Variants in RGR observed in about 807,000 individuals in gnomAD.
RGR encodes the protein RPE-retinal G protein-coupled receptor.
Under a neutral mutation model 28.6 loss-of-function variants are expected in RGR, and 30 were observed. The observed-to-expected ratio is 1.05, with a 90% CI of 0.78 to 1.42. RGR has a LOEUF of 1.42. Ranked by LOEUF, RGR falls within the 40% of genes most tolerant of loss-of-function variation. The probability of loss-of-function intolerance (pLI) is 0.00; values close to 1 mark genes in which losing one functional copy is unlikely to be tolerated. For missense variants in RGR, 404 were observed against 375.6 expected (o/e 1.08, Z -0.62); for synonymous variants, 180 against 156.4 (o/e 1.15, Z -1.13).
At chr10:84,245,286 C>A in intron 1 of RGR, 117 bp downstream of exon 1, 1 of 956,702 alleles carries the variant, frequency 1.0e-6, no homozygotes. Flanking sequence ...GGTGTCCGGT[C>A]CCATTGGCTG....
At chr10:84,251,116 T>A (rs534441319) in intron 3 of RGR, among the ~76,000 whole-genome samples, 1 of 150,744 alleles carries the variant, frequency 6.6e-6, no homozygotes, top group Non-Finnish European at 1.5e-5. Context: ...GAGCTTGTAA[T>A]CCCAGCTACT....
chr10:84,245,548 A>G (rs1358174454), intron 1 of RGR, among the ~76,000 whole-genome samples: 2 of 152,150 alleles, frequency 1.3e-5, no homozygotes, highest in African/African-American at 2.4e-5. Flanking sequence ...GTCCCCCAAA[A>G]GGCTCTGGGG....
rs139778976 is a variant in RGR at position 84,259,938 on chromosome 10, T to G, written c.*1299T>G. On this transcript the variant is annotated 3_prime_UTR_variant, in exon 7 of 7. Coordinates refer to ENST00000652092, the MANE Select transcript of RGR (RefSeq NM_001012720.2). ...TTTTGCTGTGCAGAAACTTTTTTAG[T>G]TTAATTAAGTCCCATTTGTCTATTT... The G allele has an allele frequency of 6.6e-6, 1 of 152,188 alleles. No individual in the cohort carries two copies. Among genetic ancestry groups the G allele is most frequent in the Non-Finnish European group, 1.5e-5 (1 of 68,044 alleles). 9.4% of individuals were successfully genotyped at this position (152,188 alleles called of 1,614,324 possible). A position where few individuals can be genotyped will look rare whatever the true frequency, so the allele number is the denominator to read the frequency against.
At chr10:84,249,174 G>A (rs963410735) in intron 3 of RGR, 131 bp downstream of exon 3, 5 of 1,320,164 alleles carry the variant, frequency 3.8e-6, no homozygotes, top group Non-Finnish European at 5.3e-6. Flanking sequence ...AGGTGTGAGT[G>A]TGCATGCATA....
In RGR at chr10:84,245,153, G is replaced by A. The variant is rs369719874; in HGVS notation, c.63G>A (p.Met21Ile). The change falls in exon 1 of 7, where the codon ATG becomes ATA. Residue 21 changes from methionine (M) to isoleucine (I), a missense_variant. By Grantham distance (10) the Met-to-Ile change is conservative. Coordinates refer to ENST00000652092, the MANE Select transcript of RGR (RefSeq NM_001012720.2). ...AGCTCGAGGTGCTGGCTGTGGGGAT[G>A]GTGCTACTGGTGGAAGGTGAGCCAG... ...FGELEVLAVG[M>I]VLLVEALSGL... 3.1e-6 allele frequency: 5 copies of A among 1,613,006 alleles called. No homozygotes were observed. The highest frequency in any genetic ancestry group is 2.5e-6 in the Non-Finnish European group (3 of 1,179,716).
At chr10:84,254,296 A>G in intron 4 of RGR, 30 bp from the exon 5 acceptor site, 1 of 1,595,016 alleles carries the variant, frequency 6.3e-7, no homozygotes, top group Non-Finnish European at 8.6e-7. Context: ...CTGAGAGCTA[A>G]CCCCAATCCT....
chr10:84,253,790 C>T (rs1448585766), intron 4 of RGR, among the ~76,000 whole-genome samples: 1 of 152,172 alleles, frequency 6.6e-6, no homozygotes, highest in East Asian at 1.9e-4. Flanking sequence ...AGCTGCCCCT[C>T]CCTGGTGGAC....
chr10:84,247,593 C>G lies in RGR; in HGVS notation c.82C>G (p.Leu28Val), dbSNP rs1842762171. Reference sequence around the variant, plus strand: ...CCAGCCCCCACCCTTCCTTTCAGCTCTCTCCGGTCTCAGCCTCAATACCCT... The same window carrying G: ...CCAGCCCCCACCCTTCCTTTCAGCTGTCTCCGGTCTCAGCCTCAATACCCT... ...AVGMVLLVEA[L>V]SGLSLNTLTI... The change falls in exon 2 of 7, where the codon CTC (leucine) becomes GTC (valine). Residue 28 changes from leucine to valine, a missense_variant and splice_region_variant. Transcript: ENST00000652092. The G allele has an allele frequency of 1.2e-6, 2 of 1,614,196 alleles. No homozygotes were observed. The highest frequency in any genetic ancestry group is 2.2e-5 in the East Asian group (1 of 44,886).
rs1489725603 is a variant in RGR, at chr10:84,259,358, G to C, written c.*719G>C. On this transcript the variant is annotated 3_prime_UTR_variant, in exon 7 of 7. Coordinates refer to ENST00000652092, the MANE Select transcript of RGR (RefSeq NM_001012720.2). The stretch of plus-strand genomic sequence containing the variant: ...CAGCTGTGATAAGCATACAAGTGCA[G>C]GTTTCTTTTTGATATACTGATTTCT... 1 of 152,334 alleles carries C rather than the reference G, an allele frequency of 6.6e-6. No individual in the cohort carries two copies. Among genetic ancestry groups the C allele is most frequent in the African/African-American group, 2.4e-5 (1 of 41,418 alleles). 9.4% of individuals were successfully genotyped at this position (152,334 alleles called of 1,614,324 possible).
At chr10:84,247,479 G>T in intron 1 of RGR, 112 bp from the exon 2 acceptor site, 5 of 1,257,248 alleles carry the variant, frequency 4.0e-6, no homozygotes, top group Non-Finnish European at 5.8e-6. Flanking sequence ...TATATTGATT[G>T]TCTTCCTTGT....
At chr10:84,248,673 A>C (rs1286436172) in intron 2 of RGR, 2 of 601,592 alleles carry the variant, frequency 3.3e-6, no homozygotes, top group East Asian at 2.8e-5. Flanking sequence ...GGATCTGATC[A>C]CGCAGAGAGA....
In RGR at chr10:84,252,866, T is replaced by A. The variant is rs759797685; in HGVS notation, c.368T>A (p.Leu123Gln). The part of the protein sequence containing the change: ...RYHHYCTRSQ[L>Q]AWNSAVSLVL... ...CCTCTGTCCTGTGCAGGTAGCCAGC[T>A]GGCCTGGAACTCAGCCGTCTCTCTG... is the stretch of plus-strand genomic sequence containing the variant. The change falls in exon 4 of 7, where the codon CTG becomes CAG. Residue 123 changes from leucine (L) to glutamine (Q), a missense_variant. Transcript: ENST00000652092. The A allele has an allele frequency of 6.2e-7, 1 of 1,614,188 alleles. No individual in the cohort carries two copies. Among genetic ancestry groups the A allele is most frequent in the East Asian group, 2.2e-5 (1 of 44,884 alleles).
intron 2 of RGR, chr10:84,248,561 T>C: frequency 5.4e-6 from 2 of 370,528 alleles, no homozygotes; most frequent in East Asian, 6.2e-5. Context: ...CCCTCTGACT[T>C]TGCCTTCATC....
chr10:84,251,523 A>C (rs1279196485), intron 3 of RGR, among the ~76,000 whole-genome samples: 1 of 152,194 alleles, frequency 6.6e-6, no homozygotes, highest in Non-Finnish European at 1.5e-5. Flanking sequence ...ACATTAAAAG[A>C]GAGAGATTGT....
intron 1 of RGR, among the ~76,000 whole-genome samples, chr10:84,246,780 T>C (rs1842751848): frequency 6.6e-6 from 1 of 152,248 alleles, no homozygotes; most frequent in South Asian, 2.1e-4. Flanking sequence ...AGAGGTTGTA[T>C]TAATTTACAT....
chr10:84,245,207 G>A (rs373630839), intron 1 of RGR, 38 bp downstream of exon 1: 1 of 1,602,586 alleles, frequency 6.2e-7, no homozygotes, highest in Non-Finnish European at 8.5e-7. Flanking sequence ...CGGGGGCCCA[G>A]TGGGTTCTGA....
chr10:84,246,505 C>T (rs1487830052), intron 1 of RGR, among the ~76,000 whole-genome samples: 1 of 152,194 alleles, frequency 6.6e-6, no homozygotes, highest in Non-Finnish European at 1.5e-5. Context: ...TCCTGAGTTA[C>T]TTCACTTACA....
At chr10:84,254,476 G>A (rs900256644) in intron 5 of RGR, 33 bp downstream of exon 5, 2 of 1,543,672 alleles carry the variant, frequency 1.3e-6, no homozygotes, top group African/African-American at 2.7e-5. Flanking sequence ...TTATCTGATG[G>A]TGCAGCGCAG....
At chr10:84,253,362 C>G (rs1026001295) in intron 4 of RGR, among the ~76,000 whole-genome samples, 2 of 152,196 alleles carry the variant, frequency 1.3e-5, no homozygotes, top group Non-Finnish European at 2.9e-5. Flanking sequence ...CTGACCTCAT[C>G]AATTTCTAGA....
Sources: gnomAD v4.1 joint callset for allele counts (sites outside exome capture counted in the v4.1 genomes callset) on GRCh38, gnomAD v4.1.1 for gene constraint, MANE v1.5 for transcripts, NCBI Gene and HGNC (gene_info 2026-07-23, HGNC 2026-07-21) for gene names.